The following DLGAP5 variants were observed in gnomAD, a reference collection of about 807,000 sequenced individuals.
DLGAP5 encodes disks large-associated protein 5.
DLGAP5 carries 90 observed loss-of-function variants against 99.6 expected under a neutral mutation model. The ratio of observed to expected loss-of-function variants is 0.90; its 90% CI spans 0.76 to 1.08. The LOEUF is 1.08. Ranked by LOEUF, DLGAP5 falls within the 50% of genes least tolerant of loss-of-function variation. The pLI is 0.00. For synonymous variants in DLGAP5, 311 were observed against 321.3 expected (o/e 0.97, Z 0.34); for missense variants, 1,036 against 983.5 (o/e 1.05, Z -0.71).
At chr14:55,182,552 CAA>C (rs1400194680) in intron 3 of DLGAP5, 120 bp from the exon 4 acceptor site, 4 of 676,826 alleles carry the variant, frequency 5.9e-6, no homozygotes, top group Non-Finnish European at 9.3e-6. Flanking sequence ...TCTCTTATAG[CAA>C]AAAGATACTT....
At chr14:55,160,734 C>T (rs777884868) in intron 13 of DLGAP5, among the ~76,000 whole-genome samples, 6 of 152,086 alleles carry the variant, frequency 3.9e-5, no homozygotes, top group South Asian at 2.1e-4. Context: ...TAAGCCACCA[C>T]GCCTGGCCTA....
chr14:55,151,355 C>T (rs1882010130), intron 17 of DLGAP5, among the ~76,000 whole-genome samples: 1 of 151,974 alleles, frequency 6.6e-6, no homozygotes, highest in Admixed American at 6.5e-5. Context: ...AAAAAAAAGC[C>T]CAGGCTGGCC....
At chr14:55,178,779 G>T (rs144682602) in intron 7 of DLGAP5, among the ~76,000 whole-genome samples, 11 of 152,318 alleles carry the variant, frequency 7.2e-5, no homozygotes, top group African/African-American at 2.2e-4. Context: ...AGGCGTGGTG[G>T]CTCACGCCTG....
At chr14:55,177,772 C>T (rs545344684) in intron 7 of DLGAP5, among the ~76,000 whole-genome samples, 1 of 151,414 alleles carries the variant, frequency 6.6e-6, no homozygotes, top group East Asian at 2.0e-4. Context: ...CTCCTGACCT[C>T]GTCATCCGCC....
At position 55,183,623 on chromosome 14, in the gene DLGAP5, A is replaced by C; in HGVS notation, c.369T>G (p.Tyr123Ter). The change falls in exon 3 of 19, where the codon TAT (tyrosine) becomes TAG (stop). Residue 123 changes from tyrosine (Y) to a stop codon, truncating the protein, a stop_gained. Coordinates refer to ENST00000247191, the MANE Select transcript of DLGAP5 (RefSeq NM_014750.5). LOFTEE classifies it high-confidence loss of function. ...AKRGIFKVGR[Y>*]RPDMPCFLLS... The stretch of plus-strand genomic sequence containing the variant: ...AAAGAAAACAAGGCATATCAGGTCT[A>C]TAACGACCCACTTTAAATATTCCTC... The C allele has an allele frequency of 6.2e-7, 1 of 1,609,894 alleles. No individual in the cohort carries two copies. Among genetic ancestry groups the C allele is most frequent in the Non-Finnish European group, 8.5e-7 (1 of 1,178,962 alleles).
At position 55,148,331 on chromosome 14, in the gene DLGAP5, G is replaced by A. The variant is rs749932943; in HGVS notation, c.*20C>T. ...AAGCATTGATAATATGAAGGAAAAT[G>A]TTTGGATTTATTTTTAAATTCAAAA... is the stretch of plus-strand genomic sequence containing the variant. On this transcript the variant is annotated 3_prime_UTR_variant, in exon 19 of 19. Coordinates refer to ENST00000247191, the MANE Select transcript of DLGAP5 (RefSeq NM_014750.5). The A allele has an allele frequency of 5.2e-5, 83 of 1,610,644 alleles. No homozygotes were observed. In the Admixed American group the frequency reaches 1.3e-3, roughly 26 times the overall value.
chr14:55,183,422 T>G, intron 3 of DLGAP5, 138 bp downstream of exon 3: 4 of 629,342 alleles, frequency 6.4e-6, no homozygotes, highest in Non-Finnish European at 9.7e-6. Context: ...TTCATTCTTC[T>G]GAGCTACTAT....
chr14:55,163,131 C>A (rs148385265), intron 12 of DLGAP5, 56 bp from the exon 13 acceptor site: 2 of 1,101,050 alleles, frequency 1.8e-6, no homozygotes, highest in Non-Finnish European at 2.6e-6. Context: ...AAGTTATAAA[C>A]GAATGAGCTG....
At chr14:55,161,094 A>C (rs975441536) in intron 13 of DLGAP5, among the ~76,000 whole-genome samples, 1 of 152,316 alleles carries the variant, frequency 6.6e-6, no homozygotes, top group African/African-American at 2.4e-5. Context: ...AATAAGAGGT[A>C]GTAGGGAGTG....
intron 12 of DLGAP5, among the ~76,000 whole-genome samples, chr14:55,166,197 C>T (rs1882635950): frequency 6.6e-6 from 1 of 152,172 alleles, no homozygotes; most frequent in Admixed American, 6.5e-5. Flanking sequence ...TGGAAAACCA[C>T]TCAGCAGTAA....
intron 11 of DLGAP5, 114 bp from the exon 12 acceptor site, chr14:55,169,673 C>G (rs2140317369): frequency 1.2e-6 from 1 of 868,052 alleles, no homozygotes; most frequent in Non-Finnish European, 1.7e-6. Flanking sequence ...GGTTGTTAAG[C>G]AAAACAAAAA....
At chr14:55,149,147 TATA>T (rs1881924139) in intron 18 of DLGAP5, among the ~76,000 whole-genome samples, 1 of 152,240 alleles carries the variant, frequency 6.6e-6, no homozygotes, top group South Asian at 2.1e-4. Flanking sequence ...AATGAGAACA[TATA>T]AGATAATTGT....
intron 10 of DLGAP5, among the ~76,000 whole-genome samples, 156 bp downstream of exon 10, chr14:55,175,190 A>T (rs1883016442): frequency 6.6e-6 from 1 of 152,228 alleles, no homozygotes; most frequent in Admixed American, 6.5e-5. Flanking sequence ...GAACCACATG[A>T]ATGTACTAGT....
chr14:55,187,076 T>C (rs1002602116), intron 2 of DLGAP5, among the ~76,000 whole-genome samples: 5 of 151,986 alleles, frequency 3.3e-5, no homozygotes, highest in African/African-American at 1.2e-4. Context: ...CAGCTGATTT[T>C]TGTATTTTTA....
chr14:55,187,064 C>T (rs1291571816), intron 2 of DLGAP5, among the ~76,000 whole-genome samples: 1 of 151,886 alleles, frequency 6.6e-6, no homozygotes, highest in Non-Finnish European at 1.5e-5. Context: ...ACGCGCCACA[C>T]CCAGCTGATT....
intron 1 of DLGAP5, 56 bp from the exon 2 acceptor site, chr14:55,189,236 T>A: frequency 7.2e-7 from 1 of 1,390,360 alleles, no homozygotes; most frequent in Non-Finnish European, 1.0e-6. Context: ...TTTAAAAAAT[T>A]AAGATTACAG....
At chr14:55,186,492 A>T (rs77590387) in intron 2 of DLGAP5, among the ~76,000 whole-genome samples, 8,801 of 152,266 alleles carry the variant, frequency 0.058, 323 homozygotes, top group South Asian at 0.09. Context: ...AAATCTCTTC[A>T]TCTAAAACAG....
At position 55,158,650 on chromosome 14, in the gene DLGAP5, G is replaced by A. The variant is rs185926266; in HGVS notation, c.1745C>T (p.Ala582Val). 2.0e-5 allele frequency: 32 copies of A among 1,613,982 alleles called. No individual in the cohort carries two copies. The East Asian group carries it at 2.2e-4, about 11-fold the overall frequency. ...ARNRLAAIKNAMRERIRQEEC... is the reference protein window; with the variant it reads ...ARNRLAAIKNVMRERIRQEEC... ...TTCCTGCCTAATTCTCTCTCTCATT[G>A]CATTTTTTATGGCAGCTAGGCGATT... The change falls in exon 14 of 19, where the codon GCA becomes GTA. Residue 582 changes from alanine to valine, a missense_variant. Ala to Val is a moderately conservative substitution (Grantham distance 64, BLOSUM62 0). Transcript: ENST00000247191.
intron 15 of DLGAP5, 55 bp from the exon 16 acceptor site, chr14:55,152,702 T>G (rs1026654425): frequency 1.5e-5 from 22 of 1,433,842 alleles, no homozygotes; most frequent in Admixed American, 4.6e-5. Flanking sequence ...ATTGTTTCAC[T>G]TGTATTTTGA....
Sources: gnomAD v4.1 joint callset for allele counts (sites outside exome capture counted in the v4.1 genomes callset) on GRCh38, gnomAD v4.1.1 for gene constraint, MANE v1.5 for transcripts, NCBI Gene and HGNC (gene_info 2026-07-23, HGNC 2026-07-21) for gene names.